ZNF256: variants seen among roughly 807,000 people sequenced by gnomAD.
The protein encoded by ZNF256 is bone marrow zinc finger 3.
In ZNF256, 4 loss-of-function variants were observed where a neutral mutation model predicts 7.9. The ratio of observed to expected loss-of-function variants is 0.50; its 90% CI spans 0.25 to 1.15. The LOEUF is 1.15. ZNF256 is among the 50% of genes most tolerant of loss of function. The pLI, the probability that ZNF256 is intolerant of heterozygous loss-of-function variation, is 0.15. For missense variants in ZNF256, 666 were observed against 755.9 expected, an observed-to-expected ratio of 0.88 and a Z score of 1.39; for synonymous variants, 260 against 260.4, an observed-to-expected ratio of 1.00 and a Z score of 0.02.
rs1009730261 is a variant in ZNF256 at position 57,941,549 on chromosome 19, G to T, written c.1259C>A (p.Ser420Tyr). Residue 420 changes from serine (S) to tyrosine (Y), a missense_variant, in exon 3 of 3, where the codon TCT becomes TAT. Ser to Tyr is a moderately radical substitution (Grantham distance 144). Transcript: ENST00000282308. Reference protein sequence around the residue: ...SECGKLFTYRSRFFQHQRVHT... With the variant: ...SECGKLFTYRYRFFQHQRVHT... The stretch of plus-strand genomic sequence containing the variant: ...AACTCTCTGGTGTTGGAAGAAACGA[G>T]ATCTATAAGTAAACAATTTCCCACA... 6.2e-6 allele frequency: 10 copies of T among 1,614,060 alleles called. No homozygotes were observed.
chr19:57,942,933 T>C (rs1458778776), intron 2 of ZNF256, among the ~76,000 whole-genome samples: 1 of 152,204 alleles, frequency 6.6e-6, no homozygotes, highest in African/African-American at 2.4e-5. Flanking sequence ...TTCAGTGAGA[T>C]CTGCTGTCCT....
intron 1 of ZNF256, among the ~76,000 whole-genome samples, chr19:57,945,436 T>C (rs796763339): frequency 6.6e-6 from 1 of 152,252 alleles, no homozygotes; most frequent in African/African-American, 2.4e-5. Flanking sequence ...GCAGGAACTG[T>C]TCTGGTTCCC....
In ZNF256 at chr19:57,942,416, G is replaced by A; in HGVS notation, c.392C>T (p.Ala131Val). 6.2e-7 allele frequency: 1 copy of A among 1,614,232 alleles called. No homozygotes were observed. Among genetic ancestry groups the A allele is most frequent in the Non-Finnish European group, 8.5e-7 (1 of 1,180,046 alleles). Residue 131 changes from alanine to valine, a missense_variant, in exon 3 of 3, where the codon GCA becomes GTA. Ala to Val is a moderately conservative substitution (Grantham distance 64, BLOSUM62 0). Coordinates refer to ENST00000282308, the MANE Select transcript of ZNF256 (RefSeq NM_005773.3). ...GACRKQLQFT[A>V]YLHQHQKQHV... ...CTGCTTCTGGTGCTGATGAAGGTAT[G>A]CAGTAAATTGTAATTGTTTCCTACA... is the stretch of plus-strand genomic sequence containing the variant.
intron 1 of ZNF256, among the ~76,000 whole-genome samples, chr19:57,945,782 C>G (rs1366012916): frequency 6.6e-6 from 1 of 152,180 alleles, no homozygotes; most frequent in East Asian, 1.9e-4. Flanking sequence ...CACAGATAAC[C>G]ATGGCCCTAT....
chr19:57,941,832 T>C lies in ZNF256; in HGVS notation c.976A>G (p.Ser326Gly). The change falls in exon 3 of 3, where the codon AGT becomes GGT. Residue 326 changes from serine to glycine, a missense_variant. Coordinates refer to ENST00000282308, the MANE Select transcript of ZNF256 (RefSeq NM_005773.3). ...TGGCTAAAGGATTTCCCACATTCACTGCACTTGTAAGGCCTTTCTCCAGTA... is the reference window on the plus strand; with the variant it reads ...TGGCTAAAGGATTTCCCACATTCACCGCACTTGTAAGGCCTTTCTCCAGTA... ...VHTGERPYKCSECGKSFSHSS... is the reference protein window; with the variant it reads ...VHTGERPYKCGECGKSFSHSS... 1 of 1,614,192 alleles carries C rather than the reference T, an allele frequency of 6.2e-7. No individual in the cohort carries two copies. The highest frequency in any genetic ancestry group is 8.5e-7 in the Non-Finnish European group (1 of 1,180,020).
Position 57,944,009 on chromosome 19 carries a change from C to T in ZNF256, c.85G>A (p.Gly29Ser). Reference sequence around the variant, plus strand: ...CATTTCTGAGCCTCATCAAGAAGACCCCACTCCTTCCAGGAGAAGTAAACA... The same window carrying T: ...CATTTCTGAGCCTCATCAAGAAGACTCCACTCCTTCCAGGAGAAGTAAACA... ...VAVYFSWKEW[G>S]LLDEAQKCLY... The change falls in exon 2 of 3, where the codon GGT becomes AGT. Residue 29 changes from glycine (G) to serine (S), a missense_variant. Coordinates refer to ENST00000282308, the MANE Select transcript of ZNF256 (RefSeq NM_005773.3). 1.2e-6 allele frequency: 2 copies of T among 1,614,064 alleles called. No individual in the cohort carries two copies. The highest frequency in any genetic ancestry group is 1.7e-6 in the Non-Finnish European group (2 of 1,179,996).
intron 1 of ZNF256, 47 bp from the exon 2 acceptor site, chr19:57,944,107 G>C (rs776778084): frequency 3.1e-6 from 5 of 1,609,794 alleles, no homozygotes; most frequent in Non-Finnish European, 8.5e-7. Context: ...CCTCCTCTCA[G>C]GATCCATAAT....
intron 1 of ZNF256, among the ~76,000 whole-genome samples, chr19:57,946,787 T>G (rs1295415553): frequency 6.6e-6 from 1 of 152,220 alleles, no homozygotes; most frequent in African/African-American, 2.4e-5. Flanking sequence ...TGTTCTTTGC[T>G]TCCCACCAGA....
At chr19:57,943,054 C>A (rs558661525) in intron 2 of ZNF256, among the ~76,000 whole-genome samples, 5 of 152,272 alleles carry the variant, frequency 3.3e-5, no homozygotes, top group Admixed American at 2.6e-4. Context: ...GAGGCCAACA[C>A]TGAAGAGCAC....
At chr19:57,945,053 G>A (rs1177633590) in intron 1 of ZNF256, among the ~76,000 whole-genome samples, 1 of 151,884 alleles carries the variant, frequency 6.6e-6, no homozygotes, top group South Asian at 2.1e-4. Flanking sequence ...CCGCCATCAC[G>A]CCTGGCTAAT....
Position 57,941,810 on chromosome 19 carries a change from C to G in ZNF256, c.998G>C (p.Ser333Thr). 1.2e-6 allele frequency: 2 copies of G among 1,613,866 alleles called. No homozygotes were observed. Among genetic ancestry groups the G allele is most frequent in the Non-Finnish European group, 1.7e-6 (2 of 1,179,934 alleles). The change falls in exon 3 of 3, where the codon AGC (serine) becomes ACC (threonine). Residue 333 changes from serine (S) to threonine (T), a missense_variant. Transcript: ENST00000282308. ...GTGTGTAATGAGGCTAGAGCTATGGCTAAAGGATTTCCCACATTCACTGCA... is the reference window on the plus strand; with the variant it reads ...GTGTGTAATGAGGCTAGAGCTATGGGTAAAGGATTTCCCACATTCACTGCA... Reference protein sequence around the residue: ...YKCSECGKSFSHSSSLITHQR... With the variant: ...YKCSECGKSFTHSSSLITHQR...
chr19:57,943,625 G>A (rs2072745220), intron 2 of ZNF256, among the ~76,000 whole-genome samples: 1 of 152,234 alleles, frequency 6.6e-6, no homozygotes, highest in Admixed American at 6.5e-5. Context: ...GAGGAAGGAA[G>A]TAGAACCTGG....
intron 2 of ZNF256, 75 bp from the exon 3 acceptor site, chr19:57,942,722 T>C: frequency 6.5e-7 from 1 of 1,535,810 alleles, no homozygotes; most frequent in Non-Finnish European, 8.8e-7. Context: ...CAAATGTGCA[T>C]CCAACAAACC....
At position 57,947,603 on chromosome 19, in the gene ZNF256, G is replaced by A; in HGVS notation, c.-129C>T. 1 of 915,960 alleles carries A rather than the reference G, an allele frequency of 1.1e-6. No homozygotes were observed. Among genetic ancestry groups the A allele is most frequent in the South Asian group, 5.6e-5 (1 of 17,742 alleles). The allele number at this position is 915,960 out of a possible 1,614,324, so 56.7% of individuals were successfully genotyped here. ...GGAAGACTCCTCTCGCGCCTTCTCA[G>A]TCAGTCACGGATGATGCTGACCCAG... On this transcript the variant is annotated 5_prime_UTR_variant, in exon 1 of 3. Transcript: ENST00000282308.
intron 1 of ZNF256, 76 bp from the exon 2 acceptor site, chr19:57,944,136 A>G: frequency 3.8e-6 from 6 of 1,590,844 alleles, no homozygotes; most frequent in Non-Finnish European, 5.1e-6. Context: ...TCACACATTT[A>G]CCCCATGCTC....
Position 57,941,366 on chromosome 19 carries a change from T to C in ZNF256, c.1442A>G (p.His481Arg). ...SFTCKSYLIS[H>R]WKVHTGARPY... ...CCTTGCTCCAGTATGAACTTTCCAG[T>C]GTGAGATGAGGTAGGATTTACAGGT... is the stretch of plus-strand genomic sequence containing the variant. The change falls in exon 3 of 3, where the codon CAC becomes CGC. Residue 481 changes from histidine (H) to arginine (R), a missense_variant. Coordinates refer to ENST00000282308, the MANE Select transcript of ZNF256 (RefSeq NM_005773.3). 1.9e-6 allele frequency: 3 copies of C among 1,614,144 alleles called. No individual in the cohort carries two copies. The highest frequency in any genetic ancestry group is 2.5e-6 in the Non-Finnish European group (3 of 1,180,032).
At position 57,941,592 on chromosome 19, in the gene ZNF256, GC is replaced by G; in HGVS notation, c.1215del (p.Pro406LeufsTer27). The G allele has an allele frequency of 1.9e-6, 3 of 1,614,042 alleles. No homozygotes were observed. In the South Asian group the frequency reaches 3.3e-5, roughly 18 times the overall value. On this transcript the variant is annotated frameshift_variant, in exon 3 of 3. Transcript: ENST00000282308. LOFTEE classifies it low-confidence loss of function (END_TRUNC). ...TTCCCACATTCACTACACTCATAAG[GC>G]CCTTCTCCAATGTGAAGTCTCCGGT... is the stretch of plus-strand genomic sequence containing the variant. ...IKHRRLHIGE[G>X]PYECSECGKL...
Position 57,941,721 on chromosome 19 carries a change from T to C in ZNF256, c.1087A>G (p.Ser363Gly). 6.2e-7 allele frequency: 1 copy of C among 1,614,140 alleles called. No homozygotes were observed. The highest frequency in any genetic ancestry group is 8.5e-7 in the Non-Finnish European group (1 of 1,180,002). The change falls in exon 3 of 3, where the codon AGT becomes GGT. Residue 363 changes from serine to glycine, a missense_variant. Coordinates refer to ENST00000282308, the MANE Select transcript of ZNF256 (RefSeq NM_005773.3). ...CSECGKSFIH[S>G]SSLITHQRVH... Reference sequence around the variant, plus strand: ...CTCTGGTGTGTAATAAGGCTAGAACTATGGATAAAAGATTTCCCACATTCA... The same window carrying C: ...CTCTGGTGTGTAATAAGGCTAGAACCATGGATAAAAGATTTCCCACATTCA...
In ZNF256 at chr19:57,947,679, C is replaced by T; in HGVS notation, c.-205G>A. ...TCAGTCCAGACAAATGCCAAAACGACCGCCACAAGGAGGACAACGGAAGTC... is the reference window on the plus strand; with the variant it reads ...TCAGTCCAGACAAATGCCAAAACGATCGCCACAAGGAGGACAACGGAAGTC... On this transcript the variant is annotated 5_prime_UTR_variant, in exon 1 of 3. Coordinates refer to ENST00000282308, the MANE Select transcript of ZNF256 (RefSeq NM_005773.3). The T allele has an allele frequency of 2.2e-6, 1 of 450,076 alleles. No homozygotes were observed. Among genetic ancestry groups the T allele is most frequent in the Non-Finnish European group, 3.7e-6 (1 of 272,202 alleles). 27.9% of individuals were successfully genotyped at this position (450,076 alleles called of 1,614,324 possible).
Sources: gnomAD v4.1 joint callset for allele counts (sites outside exome capture counted in the v4.1 genomes callset) on GRCh38, gnomAD v4.1.1 for gene constraint, MANE v1.5 for transcripts, NCBI Gene and HGNC (gene_info 2026-07-23, HGNC 2026-07-21) for gene names.